Variants in RAD51B observed in about 807,000 individuals in gnomAD.
RAD51B encodes the protein RAD51 paralog B.
In RAD51B, 38 loss-of-function variants were observed where a neutral mutation model predicts 42.2. That is an observed-to-expected ratio of 0.90 (90% CI 0.70 to 1.18). The LOEUF (loss-of-function observed/expected upper bound fraction) is 1.18. Ranked by LOEUF, RAD51B falls within the 50% of genes most tolerant of loss-of-function variation. The pLI is 0.00. For missense variants in RAD51B, 373 were observed against 400.7 expected, an observed-to-expected ratio of 0.93 and a Z score of 0.59; for synonymous variants, 154 against 145.2, an observed-to-expected ratio of 1.06 and a Z score of -0.43.
At chr14:68,023,787 G>A (rs1257558530) in intron 7 of RAD51B, among the ~76,000 whole-genome samples, 2 of 151,810 alleles carry the variant, frequency 1.3e-5, no homozygotes, top group Admixed American at 1.3e-4. Context: ...CTCCCATTCC[G>A]TGGGTTTTCT....
chr14:68,667,419 AGCTGGTTGT>A (rs746180299), intron 11 of RAD51B, among the ~76,000 whole-genome samples: 12,718 of 152,202 alleles, frequency 0.084, 599 homozygotes, highest in Middle Eastern at 0.13. Flanking sequence ...GCTTAAAGTC[AGCTGGTTGT>A]AAATGTTGAC....
intron 8 of RAD51B, among the ~76,000 whole-genome samples, chr14:68,392,877 G>A (rs544600370): frequency 1.3e-5 from 2 of 152,272 alleles, no homozygotes; most frequent in East Asian, 1.9e-4. Flanking sequence ...AGCCCACGCC[G>A]AGAAAATCCT....
intron 10 of RAD51B, among the ~76,000 whole-genome samples, chr14:68,506,839 C>T (rs769688289): frequency 9.2e-5 from 14 of 152,042 alleles, no homozygotes; most frequent in African/African-American, 1.4e-4. Flanking sequence ...ACATGGTAGG[C>T]GCCCACACTC....
chr14:67,992,890 C>T (rs898712628), intron 7 of RAD51B, among the ~76,000 whole-genome samples: 1 of 151,964 alleles, frequency 6.6e-6, no homozygotes, highest in Non-Finnish European at 1.5e-5. Flanking sequence ...TAACCAGGTT[C>T]ATTGGTTTGT....
chr14:68,561,620 C>T (rs1450846278), intron 10 of RAD51B, among the ~76,000 whole-genome samples: 1 of 152,200 alleles, frequency 6.6e-6, no homozygotes, highest in Non-Finnish European at 1.5e-5. Flanking sequence ...CGTGTGGCTT[C>T]TCAGGGACCA....
intron 7 of RAD51B, among the ~76,000 whole-genome samples, chr14:68,287,978 G>A (rs1885013): frequency 0.58 from 88,379 of 152,022 alleles, 29,402 homozygotes; most frequent in East Asian, 0.88. Context: ...CTAAGTTCAG[G>A]TCTGATTCCA....
chr14:68,417,969 T>C (rs1294610019), intron 9 of RAD51B, among the ~76,000 whole-genome samples: 1 of 152,200 alleles, frequency 6.6e-6, no homozygotes, highest in East Asian at 1.9e-4. Flanking sequence ...TTGACCACGA[T>C]AGACCGTGTA....
chr14:68,671,427 A>G (rs1464815288), intron 11 of RAD51B, among the ~76,000 whole-genome samples: 1 of 152,114 alleles, frequency 6.6e-6, no homozygotes, highest in African/African-American at 2.4e-5. Context: ...CACCTTGGCC[A>G]GACATACAAA....
At chr14:67,917,216 G>A (rs1384590365) in intron 7 of RAD51B, among the ~76,000 whole-genome samples, 1 of 152,218 alleles carries the variant, frequency 6.6e-6, no homozygotes, top group East Asian at 1.9e-4. Flanking sequence ...AGGAATACGT[G>A]AGACTGGGTA....
intron 11 of RAD51B, among the ~76,000 whole-genome samples, chr14:68,674,277 C>T (rs578098017): frequency 2.0e-4 from 30 of 152,154 alleles, no homozygotes; most frequent in South Asian, 1.2e-3. Context: ...CACACATTTA[C>T]GTATATACTT....
chr14:67,832,342 A>G (rs1357503602), intron 3 of RAD51B, among the ~76,000 whole-genome samples: 2 of 152,196 alleles, frequency 1.3e-5, no homozygotes, highest in African/African-American at 2.4e-5. Flanking sequence ...AGGCTACAAA[A>G]TTGTATATAG....
At chr14:68,119,232 C>T (rs1315526714) in intron 7 of RAD51B, among the ~76,000 whole-genome samples, 2 of 151,120 alleles carry the variant, frequency 1.3e-5, no homozygotes, top group Non-Finnish European at 2.9e-5. Flanking sequence ...AGGGTCTCAC[C>T]ATGTTGTCCA....
intron 5 of RAD51B, among the ~76,000 whole-genome samples, chr14:67,865,658 C>A (rs2042316644): frequency 6.6e-6 from 1 of 151,308 alleles, no homozygotes; most frequent in African/African-American, 2.4e-5. Context: ...CCTGTCTCAG[C>A]CTCCTGAGTA....
intron 9 of RAD51B, among the ~76,000 whole-genome samples, chr14:68,424,609 T>G (rs1378590673): frequency 6.6e-6 from 1 of 152,212 alleles, no homozygotes; most frequent in Non-Finnish European, 1.5e-5. Flanking sequence ...TGTGACTCCG[T>G]TCTGACACTA....
At chr14:68,160,363 C>G (rs1309391052) in intron 7 of RAD51B, among the ~76,000 whole-genome samples, 2 of 152,156 alleles carry the variant, frequency 1.3e-5, no homozygotes, top group South Asian at 4.1e-4. Context: ...AACCTGAGTT[C>G]CCTAGCTTTC....
At chr14:68,623,205 T>C (rs1469321553) in intron 10 of RAD51B, among the ~76,000 whole-genome samples, 2 of 152,122 alleles carry the variant, frequency 1.3e-5, no homozygotes, top group African/African-American at 4.8e-5. Context: ...TGACCAGCTG[T>C]TCCCTCCCCC....
intron 9 of RAD51B, among the ~76,000 whole-genome samples, chr14:68,426,022 T>TTCTC (rs1356960435): frequency 2.0e-5 from 3 of 149,602 alleles, no homozygotes; most frequent in Non-Finnish European, 3.0e-5. Context: ...CTTTCTTTCT[T>TTCTC]TCTTTCTCTC....
chr14:68,422,210 C>T (rs546871330), intron 9 of RAD51B: 100 of 1,021,508 alleles, frequency 9.8e-5, no homozygotes, highest in African/African-American at 4.6e-4. Context: ...TAATAGTACA[C>T]GGTTTTCCTC....
intron 7 of RAD51B, among the ~76,000 whole-genome samples, chr14:68,210,403 G>A (rs755149377): frequency 2.6e-5 from 4 of 152,178 alleles, no homozygotes; most frequent in Non-Finnish European, 5.9e-5. Context: ...CAAATACTCT[G>A]GAGCCAAATA....
Sources: allele counts gnomAD v4.1 joint callset (sites outside exome capture counted in the v4.1 genomes callset), GRCh38; gene constraint gnomAD v4.1.1; transcripts MANE v1.5; gene names NCBI Gene and HGNC (gene_info 2026-07-23, HGNC 2026-07-21).